The following MSTO1 variants were observed in gnomAD, a reference collection of about 807,000 sequenced individuals.
The protein encoded by MSTO1 is misato mitochondrial distribution and morphology regulator 1, also known as protein misato homolog 1.
MSTO1 carries 24 observed loss-of-function variants against 55.7 expected under a neutral mutation model. That is an observed-to-expected ratio of 0.43 (90% CI 0.31 to 0.61). MSTO1 has a LOEUF of 0.61. MSTO1 is among the 20% of genes least tolerant of loss of function. The probability of loss-of-function intolerance (pLI) is 0.09; values close to 1 mark genes in which losing one functional copy is unlikely to be tolerated. For missense variants in MSTO1, 363 were observed against 625.7 expected, an observed-to-expected ratio of 0.58 and a Z score of 4.48; for synonymous variants, 162 against 252.8, an observed-to-expected ratio of 0.64 and a Z score of 3.41.
the MSTO1 span, among the ~76,000 whole-genome samples, chr1:155,581,430 AG>A: frequency 6.6e-6 from 1 of 152,068 alleles, no homozygotes; most frequent in Non-Finnish European, 1.5e-5. Context: ...TTTGAGACAG[AG>A]TCTCACTCTG....
the MSTO1 span, chr1:155,591,366 A>G: frequency 1.1e-6 from 1 of 892,176 alleles, no homozygotes; most frequent in Middle Eastern, 2.5e-4. Flanking sequence ...TTGGCCCACA[A>G]ATGCTGTTTC....
the MSTO1 span, among the ~76,000 whole-genome samples, chr1:155,569,732 C>T: frequency 3.9e-5 from 6 of 152,102 alleles, no homozygotes; most frequent in Non-Finnish European, 4.4e-5. Context: ...CCACTGCACC[C>T]GGCCAGTTGT....
the MSTO1 span, among the ~76,000 whole-genome samples, chr1:155,576,378 C>A: frequency 6.6e-6 from 1 of 151,768 alleles, no homozygotes; most frequent in African/African-American, 2.4e-5. Flanking sequence ...CCAGGCTGGA[C>A]TGCAGTGACG....
the MSTO1 span, among the ~76,000 whole-genome samples, chr1:155,601,727 G>C: frequency 6.6e-6 from 1 of 151,984 alleles, no homozygotes; most frequent in Non-Finnish European, 1.5e-5. Context: ...TTTCTGCCTG[G>C]TTTTCTTCTG....
upstream of MSTO1, among the ~76,000 whole-genome samples, chr1:155,607,074 C>T (rs146260959): frequency 5.8e-3 from 878 of 152,062 alleles, 12 homozygotes; most frequent in African/African-American, 0.021. Context: ...CCTCGTGATC[C>T]GCCCGCCTTG....
At chr1:155,583,388 A>G in the MSTO1 span, among the ~76,000 whole-genome samples, 1 of 151,796 alleles carries the variant, frequency 6.6e-6, no homozygotes, top group Non-Finnish European at 1.5e-5. Context: ...AAAATAAAAT[A>G]TAGCCACGAG....
chr1:155,612,149 G>A, intron 7 of MSTO1, 33 bp from the exon 8 acceptor site: 1 of 1,613,638 alleles, frequency 6.2e-7, no homozygotes, highest in Non-Finnish European at 8.5e-7. Flanking sequence ...TTCTCATCCT[G>A]CTAACTATCT....
chr1:155,568,827 T>TTTTTTC, the MSTO1 span, among the ~76,000 whole-genome samples: 962 of 141,862 alleles, frequency 6.8e-3, 9 homozygotes, highest in African/African-American at 0.022. Context: ...CCCCCGGCCT[T>TTTTTTC]TTTTTCTTTT....
the MSTO1 span, among the ~76,000 whole-genome samples, chr1:155,591,415 C>T: frequency 2.0e-5 from 3 of 152,178 alleles, no homozygotes; most frequent in African/African-American, 7.2e-5. Flanking sequence ...TGTACAGAGG[C>T]AATAGTACAG....
the MSTO1 span, among the ~76,000 whole-genome samples, chr1:155,577,522 T>C: frequency 6.6e-6 from 1 of 152,166 alleles, no homozygotes; most frequent in Non-Finnish European, 1.5e-5. Flanking sequence ...CCAGCACTAT[T>C]TGTTGAAGAG....
At chr1:155,583,976 C>T in the MSTO1 span, among the ~76,000 whole-genome samples, 1 of 152,180 alleles carries the variant, frequency 6.6e-6, no homozygotes, top group African/African-American at 2.4e-5. Context: ...AGAGACCACC[C>T]CAGTCTTATT....
chr1:155,598,102 G>A, the MSTO1 span, among the ~76,000 whole-genome samples: 2 of 151,954 alleles, frequency 1.3e-5, no homozygotes, highest in African/African-American at 4.8e-5. Flanking sequence ...ACAGGCGTGT[G>A]CCACTACACC....
the MSTO1 span, among the ~76,000 whole-genome samples, chr1:155,589,441 T>C: frequency 2.8e-4 from 43 of 152,084 alleles, no homozygotes; most frequent in African/African-American, 5.1e-4. Context: ...TCTACAGGGA[T>C]AGCACTAATA....
chr1:155,566,942 A>AC, the MSTO1 span, among the ~76,000 whole-genome samples: 2 of 151,620 alleles, frequency 1.3e-5, no homozygotes, highest in African/African-American at 4.9e-5. Flanking sequence ...TGCTCTTACT[A>AC]TGTTGCCTAG....
upstream of MSTO1, among the ~76,000 whole-genome samples, chr1:155,608,848 G>C (rs1040975759): frequency 1.3e-5 from 2 of 149,594 alleles, no homozygotes; most frequent in African/African-American, 5.0e-5. Flanking sequence ...TTTTAGAGAG[G>C]AGTTTTGCTC....
chr1:155,593,042 G>C, the MSTO1 span, among the ~76,000 whole-genome samples: 1 of 152,044 alleles, frequency 6.6e-6, no homozygotes, highest in African/African-American at 2.4e-5. Flanking sequence ...CTCCCCAATA[G>C]CTGGGATTAT....
chr1:155,607,013 T>C (rs1415206034), upstream of MSTO1, among the ~76,000 whole-genome samples: 2 of 151,440 alleles, frequency 1.3e-5, no homozygotes, highest in African/African-American at 4.9e-5. Context: ...TTTGTGTTTT[T>C]AGTAGAGATG....
At chr1:155,567,687 T>C in the MSTO1 span, among the ~76,000 whole-genome samples, 1 of 151,298 alleles carries the variant, frequency 6.6e-6, no homozygotes, top group Non-Finnish European at 1.5e-5. Context: ...CCACCCGTCT[T>C]GGCCTCCCAA....
chr1:155,597,187 G>T, the MSTO1 span, among the ~76,000 whole-genome samples: 1 of 152,122 alleles, frequency 6.6e-6, no homozygotes, highest in South Asian at 2.1e-4. Context: ...GAGAAGACAA[G>T]GTTGTGCATG....
Sources: gnomAD v4.1 joint callset for allele counts (sites outside exome capture counted in the v4.1 genomes callset) on GRCh38, gnomAD v4.1.1 for gene constraint, MANE v1.5 for transcripts, NCBI Gene and HGNC (gene_info 2026-07-23, HGNC 2026-07-21) for gene names.